The following ADAMTS17 variants were observed in gnomAD, a reference collection of about 807,000 sequenced individuals.
ADAMTS17 encodes the protein A disintegrin and metalloproteinase with thrombospondin motifs 17.
In ADAMTS17, 113 loss-of-function variants were observed where a neutral mutation model predicts 141.5. The ratio of observed to expected loss-of-function variants is 0.80; its 90% CI spans 0.69 to 0.93. ADAMTS17 has a LOEUF of 0.93. ADAMTS17 is among the 40% of genes least tolerant of loss of function. The pLI, the probability that ADAMTS17 is intolerant of heterozygous loss-of-function variation, is 0.00. For synonymous variants in ADAMTS17, 768 were observed against 630.6 expected, an observed-to-expected ratio of 1.22 and a Z score of -3.27; for missense variants, 1,659 against 1,517.9, an observed-to-expected ratio of 1.09 and a Z score of -1.54.
chr15:100,028,022 C>A (rs1268752670), intron 18 of ADAMTS17, among the ~76,000 whole-genome samples: 2 of 152,160 alleles, frequency 1.3e-5, no homozygotes, highest in African/African-American at 4.8e-5. Context: ...CAGGAGGCTG[C>A]TGACAAGCTG....
chr15:100,275,817 G>A (rs2044061517), intron 4 of ADAMTS17, among the ~76,000 whole-genome samples: 1 of 151,248 alleles, frequency 6.6e-6, no homozygotes, highest in Non-Finnish European at 1.5e-5. Context: ...AAAACCATGA[G>A]ATGCTATGAA....
chr15:100,170,134 A>C (rs561493109), intron 8 of ADAMTS17, among the ~76,000 whole-genome samples: 1 of 152,258 alleles, frequency 6.6e-6, no homozygotes, highest in African/African-American at 2.4e-5. Flanking sequence ...GGGCTTGGGA[A>C]CGATGGCGGG....
intron 15 of ADAMTS17, among the ~76,000 whole-genome samples, chr15:100,062,619 T>C (rs1356711713): frequency 6.6e-6 from 1 of 152,222 alleles, no homozygotes; most frequent in East Asian, 1.9e-4. Context: ...GACAAAGATG[T>C]CATTTTAAAA....
intron 5 of ADAMTS17, 80 bp downstream of exon 5, chr15:100,262,272 G>A (rs2043548185): frequency 1.1e-5 from 14 of 1,317,840 alleles, no homozygotes; most frequent in Non-Finnish European, 9.8e-6. Flanking sequence ...CTGGAGCCCC[G>A]CTTAGCATTC....
At position 100,281,333 on chromosome 15, in the gene ADAMTS17, T is replaced by C. The variant is rs770861112; in HGVS notation, c.685A>G (p.Thr229Ala). 119 of 1,610,742 alleles carry C rather than the reference T, an allele frequency of 7.4e-5. No individual in the cohort carries two copies. The highest frequency in any genetic ancestry group is 9.9e-5 in the Non-Finnish European group (117 of 1,179,994). The change falls in exon 4 of 22, where the codon ACC (threonine) becomes GCC (alanine). Residue 229 changes from threonine (T) to alanine (A), a missense_variant. Coordinates refer to ENST00000268070, the MANE Select transcript of ADAMTS17 (RefSeq NM_139057.4). ...WRERRNAIRL[T>A]SEHTVETLVV... ...AGGGTCTCCACCGTGTGCTCGCTGGTGAGCCGGATAGCGTTCCTCCGCTCC... is the reference window on the plus strand; with the variant it reads ...AGGGTCTCCACCGTGTGCTCGCTGGCGAGCCGGATAGCGTTCCTCCGCTCC...
chr15:100,034,001 G>T (rs2030452382), intron 18 of ADAMTS17, among the ~76,000 whole-genome samples: 1 of 152,204 alleles, frequency 6.6e-6, no homozygotes, highest in Admixed American at 6.5e-5. Context: ...TTATTGGATG[G>T]TCTCCTTACC....
At chr15:100,024,110 T>C (rs28422888) in intron 18 of ADAMTS17, among the ~76,000 whole-genome samples, 6,538 of 152,204 alleles carry the variant, frequency 0.043, 471 homozygotes, top group African/African-American at 0.15. Flanking sequence ...GTTGTTGTTG[T>C]TGAGATGGGG....
chr15:100,169,912 TC>T (rs1318204835), intron 8 of ADAMTS17, among the ~76,000 whole-genome samples: 2 of 149,484 alleles, frequency 1.3e-5, no homozygotes, highest in African/African-American at 5.1e-5. Context: ...CCGGGGCCAC[TC>T]CCGGGGGCAC....
chr15:100,092,865 T>C (rs1319906462), intron 15 of ADAMTS17, among the ~76,000 whole-genome samples: 1 of 152,220 alleles, frequency 6.6e-6, no homozygotes, highest in Non-Finnish European at 1.5e-5. Flanking sequence ...TGGCTGTCCA[T>C]GGGCTGGTCA....
intron 14 of ADAMTS17, among the ~76,000 whole-genome samples, chr15:100,099,750 T>C (rs1004606226): frequency 7.2e-6 from 1 of 137,984 alleles, no homozygotes; most frequent in African/African-American, 2.7e-5. Context: ...TGGTATGAGA[T>C]GGTATGAGAT....
intron 12 of ADAMTS17, among the ~76,000 whole-genome samples, chr15:100,121,853 TC>T (rs2037468646): frequency 6.6e-6 from 1 of 152,124 alleles, no homozygotes; most frequent in Admixed American, 6.6e-5. Flanking sequence ...TCTCCTGTAC[TC>T]CAGTGGGTAG....
Position 100,262,432 on chromosome 15 carries a change from A to G in ADAMTS17, c.793T>C (p.Tyr265His), listed in dbSNP as rs773949131. 3 of 1,613,064 alleles carry G rather than the reference A, an allele frequency of 1.9e-6. No individual in the cohort carries two copies. Among genetic ancestry groups the G allele is most frequent in the Non-Finnish European group, 8.5e-7 (1 of 1,179,220 alleles). The part of the protein sequence containing the change: ...RFILTVMNMV[Y>H]NMFQHQSLGI... The stretch of plus-strand genomic sequence containing the variant: ...AGGCTCTGGTGCTGAAACATATTGT[A>G]TACCTATCAAGACAGAAAAAAGAAA... Residue 265 changes from tyrosine (Y) to histidine (H), a missense_variant, in exon 5 of 22, where the codon TAC becomes CAC. Transcript: ENST00000268070.
chr15:100,290,446 A>G (rs116975338), intron 3 of ADAMTS17, among the ~76,000 whole-genome samples: 1,755 of 152,364 alleles, frequency 0.012, 13 homozygotes, highest in Non-Finnish European at 0.017. Flanking sequence ...AGCAATTTAT[A>G]GATTCAATGT....
intron 18 of ADAMTS17, among the ~76,000 whole-genome samples, chr15:100,030,845 C>T (rs2141484904): frequency 6.6e-6 from 1 of 152,252 alleles, no homozygotes; most frequent in East Asian, 1.9e-4. Context: ...GTAGTTATAA[C>T]TGTATTAAAA....
At chr15:100,154,087 A>G in intron 9 of ADAMTS17, among the ~76,000 whole-genome samples, 1 of 152,150 alleles carries the variant, frequency 6.6e-6, no homozygotes, top group Non-Finnish European at 1.5e-5. Flanking sequence ...AGGCTGAGGC[A>G]GGAGAATTGC....
At chr15:100,315,578 A>G (rs2045539696) in intron 3 of ADAMTS17, among the ~76,000 whole-genome samples, 1 of 152,220 alleles carries the variant, frequency 6.6e-6, no homozygotes, top group Admixed American at 6.5e-5. Context: ...GCTCACACCT[A>G]TAATCCCAGC....
In ADAMTS17 at chr15:100,301,124, T is replaced by C. The variant is rs145139270; in HGVS notation, c.617-19723A>G. On this transcript the variant is annotated intron_variant, in intron 3 of 21. Transcript: ENST00000268070. ...TTTGGAGCACTATGGTAAATATTATTCCCAGTTTTACCACCTTTTAAGTTG... is the reference window on the plus strand; with the variant it reads ...TTTGGAGCACTATGGTAAATATTATCCCCAGTTTTACCACCTTTTAAGTTG... 9.5e-3 allele frequency among the ~76,000 whole-genome samples: 1,441 copies of C among 152,308 alleles called. 15 individuals carry two copies. The highest frequency in any genetic ancestry group is 0.015 in the Non-Finnish European group (1,040 of 68,022).
intron 15 of ADAMTS17, among the ~76,000 whole-genome samples, chr15:100,085,739 C>T (rs1003753247): frequency 1.9e-4 from 28 of 149,578 alleles, no homozygotes; most frequent in Non-Finnish European, 3.2e-4. Context: ...TCATATCCAG[C>T]CAAACTAAGC....
At chr15:100,126,385 A>G (rs2037736428) in intron 12 of ADAMTS17, 2 of 152,262 alleles carry the variant, frequency 1.3e-5, no homozygotes, top group African/African-American at 4.8e-5. Flanking sequence ...AGAGACTACC[A>G]AGGTGTAAAT....
Sources: gnomAD v4.1 joint callset for allele counts (sites outside exome capture counted in the v4.1 genomes callset) on GRCh38, gnomAD v4.1.1 for gene constraint, MANE v1.5 for transcripts, NCBI Gene and HGNC (gene_info 2026-07-23, HGNC 2026-07-21) for gene names.